Variants in ROR1 observed in about 807,000 individuals in gnomAD.
ROR1 encodes the protein ROR family WNT receptor 1.
In ROR1, 19 loss-of-function variants were observed where a neutral mutation model predicts 78.8. The ratio of observed to expected loss-of-function variants is 0.24; its 90% CI spans 0.17 to 0.35. The LOEUF is 0.35. Among genes scored for constraint, ROR1 ranks in the 10% least tolerant of loss-of-function variants. The probability of loss-of-function intolerance (pLI) is 1.00; values close to 1 mark genes in which losing one functional copy is unlikely to be tolerated. For missense variants in ROR1, 917 were observed against 1,177.8 expected, an observed-to-expected ratio of 0.78 and a Z score of 3.24; for synonymous variants, 386 against 433.6, an observed-to-expected ratio of 0.89 and a Z score of 1.36.
chr1:64,009,614 A>G (rs1171789593), intron 2 of ROR1, among the ~76,000 whole-genome samples: 1 of 152,040 alleles, frequency 6.6e-6, no homozygotes, highest in Admixed American at 6.5e-5. Flanking sequence ...AATGTTCCAC[A>G]TGGTAAAAAT....
At chr1:63,918,559 C>T (rs998189236) in intron 1 of ROR1, among the ~76,000 whole-genome samples, 17 of 152,308 alleles carry the variant, frequency 1.1e-4, no homozygotes, top group African/African-American at 3.6e-4. Context: ...TCTGTGCTCC[C>T]ATTTGGGGAA....
chr1:63,776,799 C>CTCAAA (rs1330158803), intron 1 of ROR1, among the ~76,000 whole-genome samples: 20 of 152,110 alleles, frequency 1.3e-4, no homozygotes, highest in African/African-American at 4.8e-4. Context: ...TAGTAATGAG[C>CTCAAA]TCAAATCTGT....
Position 63,841,175 on chromosome 1 carries a change from G to A in ROR1, c.91+66667G>A, listed in dbSNP as rs540303209. Among the ~76,000 whole-genome samples the A allele has an allele frequency of 3.7e-3, 560 of 152,210 alleles. 3 individuals are homozygous for A. Among genetic ancestry groups the A allele is most frequent in the Non-Finnish European group, 6.0e-3 (405 of 68,014 alleles). On this transcript the variant is annotated intron_variant, in intron 1 of 8. Transcript: ENST00000371079. ...CATTTATGAGGTATGCATTTTCACT[G>A]TTTTCTTTTTACAAGTTTAGTAACT... is the stretch of plus-strand genomic sequence containing the variant.
chr1:64,038,138 T>C (rs1303862627), intron 2 of ROR1, among the ~76,000 whole-genome samples: 3 of 152,220 alleles, frequency 2.0e-5, no homozygotes, highest in Non-Finnish European at 4.4e-5. Flanking sequence ...CACAAGTATT[T>C]AATAAGTATT....
At chr1:64,141,390 G>A (rs11583399) in intron 6 of ROR1, among the ~76,000 whole-genome samples, 23,628 of 152,026 alleles carry the variant, frequency 0.16, 2,103 homozygotes, top group Non-Finnish European at 0.2. Flanking sequence ...GCTTTTAAAC[G>A]GCCATGAGAA....
At chr1:63,994,788 C>G (rs1646324126) in intron 1 of ROR1, among the ~76,000 whole-genome samples, 1 of 152,226 alleles carries the variant, frequency 6.6e-6, no homozygotes, top group Non-Finnish European at 1.5e-5. Flanking sequence ...TATACACCAC[C>G]TCTGAGCATC....
intron 1 of ROR1, among the ~76,000 whole-genome samples, chr1:63,800,023 T>G (rs1644785996): frequency 6.6e-6 from 1 of 152,214 alleles, no homozygotes; most frequent in South Asian, 2.1e-4. Context: ...ACATTTCCCC[T>G]AGTAACGAAG....
chr1:64,050,616 G>C, intron 3 of ROR1, 70 bp from the exon 4 acceptor site: 1 of 1,364,608 alleles, frequency 7.3e-7, no homozygotes, highest in Non-Finnish European at 1.0e-6. Flanking sequence ...GTAATGATTT[G>C]ACTGTATCCA....
At chr1:64,029,418 T>G (rs1452213758) in intron 2 of ROR1, among the ~76,000 whole-genome samples, 1 of 152,210 alleles carries the variant, frequency 6.6e-6, no homozygotes, top group African/African-American at 2.4e-5. Context: ...TTCCTTGGTC[T>G]TTACCCATTG....
At chr1:63,976,674 T>G (rs540736381) in intron 1 of ROR1, among the ~76,000 whole-genome samples, 1 of 152,332 alleles carries the variant, frequency 6.6e-6, no homozygotes, top group South Asian at 2.1e-4. Flanking sequence ...GTCAGTCACT[T>G]GGTCATATTG....
chr1:63,930,944 A>C lies in ROR1; in HGVS notation c.92-78361A>C, dbSNP rs1023683552. On this transcript the variant is annotated intron_variant, in intron 1 of 8. Coordinates refer to ENST00000371079, the MANE Select transcript of ROR1 (RefSeq NM_005012.4). ...TAGATTAAATTTAACTTAGAAACACACATGTTCATCTCAATATCAGTACTC... is the reference window on the plus strand; with the variant it reads ...TAGATTAAATTTAACTTAGAAACACCCATGTTCATCTCAATATCAGTACTC... 2.0e-5 allele frequency among the ~76,000 whole-genome samples: 3 copies of C among 152,224 alleles called. No individual in the cohort carries two copies. In the East Asian group the frequency reaches 5.8e-4, roughly 29 times the overall value.
At chr1:64,055,688 TTCTC>T (rs1171832129) in intron 4 of ROR1, among the ~76,000 whole-genome samples, 1 of 152,232 alleles carries the variant, frequency 6.6e-6, no homozygotes, top group African/African-American at 2.4e-5. Context: ...GCCAGGACCT[TTCTC>T]TCTTTTTTTA....
chr1:64,024,300 G>T (rs1396382314), intron 2 of ROR1, among the ~76,000 whole-genome samples: 1 of 152,034 alleles, frequency 6.6e-6, no homozygotes, highest in East Asian at 1.9e-4. Flanking sequence ...GGCCAACATG[G>T]TGAAACCCTG....
At chr1:63,843,719 A>G in intron 1 of ROR1, 1 of 461,596 alleles carries the variant, frequency 2.2e-6, no homozygotes, top group Non-Finnish European at 4.2e-6. Context: ...GGGCATGGAG[A>G]GCCGCAGAAG....
At chr1:63,802,103 A>G (rs1216786989) in intron 1 of ROR1, among the ~76,000 whole-genome samples, 1 of 152,212 alleles carries the variant, frequency 6.6e-6, no homozygotes, top group Non-Finnish European at 1.5e-5. Flanking sequence ...AATTGGGCTT[A>G]ATTTTCACAG....
intron 1 of ROR1, among the ~76,000 whole-genome samples, chr1:63,814,763 G>A (rs868837453): frequency 1.3e-4 from 20 of 152,122 alleles, no homozygotes; most frequent in Non-Finnish European, 1.9e-4. Context: ...ATGCAAGTGA[G>A]GGGGAGCAGC....
At chr1:63,920,306 T>C (rs1394372442) in intron 1 of ROR1, among the ~76,000 whole-genome samples, 1 of 152,098 alleles carries the variant, frequency 6.6e-6, no homozygotes, top group African/African-American at 2.4e-5. Flanking sequence ...GCACTGGTGA[T>C]GGGAGGAGGG....
At chr1:64,016,242 A>G (rs1479477089) in intron 2 of ROR1, among the ~76,000 whole-genome samples, 1 of 152,196 alleles carries the variant, frequency 6.6e-6, no homozygotes, top group Non-Finnish European at 1.5e-5. Context: ...CCAGTATAGT[A>G]GCCACTACCC....
chr1:64,115,859 G>A (rs781586971), intron 4 of ROR1, among the ~76,000 whole-genome samples: 4 of 151,966 alleles, frequency 2.6e-5, no homozygotes, highest in Non-Finnish European at 5.9e-5. Flanking sequence ...AGTAATACCT[G>A]CCTCTGCATG....
Sources: allele counts gnomAD v4.1 joint callset (sites outside exome capture counted in the v4.1 genomes callset), GRCh38; gene constraint gnomAD v4.1.1; transcripts MANE v1.5; gene names NCBI Gene and HGNC (gene_info 2026-07-23, HGNC 2026-07-21).